LHFPL3: variants seen among roughly 807,000 people sequenced by gnomAD.
LHFPL3 encodes the protein LHFPL tetraspan subfamily member 3 protein.
LHFPL3 carries 5 observed loss-of-function variants against 19.3 expected under a neutral mutation model. The observed-to-expected ratio is 0.26, with a 90% confidence interval of 0.14 to 0.54. The LOEUF (loss-of-function observed/expected upper bound fraction) is 0.54, where lower values mean the gene tolerates loss of function less well. Ranked by LOEUF, LHFPL3 falls within the 20% of genes least tolerant of loss-of-function variation. The pLI, the probability that LHFPL3 is intolerant of heterozygous loss-of-function variation, is 0.94. For synonymous variants in LHFPL3, 133 were observed against 126.2 expected (o/e 1.05, Z -0.36); for missense variants, 249 against 307.4 (o/e 0.81, Z 1.42).
chr7:104,371,586 G>A (rs1790616660), intron 1 of LHFPL3, among the ~76,000 whole-genome samples: 2 of 152,080 alleles, frequency 1.3e-5, no homozygotes, highest in Non-Finnish European at 1.5e-5. Context: ...TGCTTAACTT[G>A]CAAATTCTGG....
intron 1 of LHFPL3, among the ~76,000 whole-genome samples, chr7:104,513,740 A>G (rs1793866266): frequency 1.3e-5 from 2 of 152,200 alleles, no homozygotes; most frequent in East Asian, 3.8e-4. Flanking sequence ...TTAAAAAAAT[A>G]CCAATATCTG....
Position 104,897,954 on chromosome 7 carries a change from C to G in LHFPL3, c.683-8233C>G, listed in dbSNP as rs1409344547. Among the ~76,000 whole-genome samples the G allele has an allele frequency of 1.2e-4, 18 of 150,486 alleles. No homozygotes were observed. In the Admixed American group the frequency reaches 1.2e-3, roughly 10 times the overall value. On this transcript the variant is annotated intron_variant, in intron 2 of 2. Coordinates refer to ENST00000424859, the MANE Select transcript of LHFPL3 (RefSeq NM_199000.3). ...AATAAGAATTAAACCAGAATGGGAT[C>G]CACATCACAGGCAATTTGCTAAGAG...
At chr7:104,478,426 T>G (rs1364522370) in intron 1 of LHFPL3, among the ~76,000 whole-genome samples, 2 of 152,020 alleles carry the variant, frequency 1.3e-5, no homozygotes, top group Non-Finnish European at 2.9e-5. Flanking sequence ...TTCTGTCCTT[T>G]CTCCTCTTCT....
chr7:104,369,286 C>G (rs571806269), intron 1 of LHFPL3, among the ~76,000 whole-genome samples: 3 of 152,264 alleles, frequency 2.0e-5, no homozygotes, highest in Admixed American at 6.5e-5. Context: ...CACAAATTTA[C>G]CTTTTCTGGA....
intron 2 of LHFPL3, among the ~76,000 whole-genome samples, chr7:104,770,227 A>G (rs959400899): frequency 1.3e-5 from 2 of 152,078 alleles, no homozygotes; most frequent in African/African-American, 4.8e-5. Flanking sequence ...TCTGAATGCC[A>G]TGGAGGGATG....
chr7:104,842,244 AAG>A, intron 2 of LHFPL3, among the ~76,000 whole-genome samples: 1 of 125,548 alleles, frequency 8.0e-6, no homozygotes, highest in Non-Finnish European at 1.6e-5. Flanking sequence ...AATACTCTCA[AAG>A]TTACTCAGGC....
intron 2 of LHFPL3, among the ~76,000 whole-genome samples, chr7:104,875,241 AGCCCCAT>A (rs60825475): frequency 0.28 from 42,936 of 151,776 alleles, 6,145 homozygotes; most frequent in South Asian, 0.35. Flanking sequence ...AGATAAGGTA[AGCCCCAT>A]GCATAATACT....
chr7:104,545,607 C>CCTCTT (rs1387460113), intron 1 of LHFPL3, among the ~76,000 whole-genome samples: 1 of 152,162 alleles, frequency 6.6e-6, no homozygotes, highest in East Asian at 1.9e-4. Flanking sequence ...CTGATTGGCT[C>CCTCTT]CAGTAGAGCA....
intron 1 of LHFPL3, among the ~76,000 whole-genome samples, chr7:104,428,214 A>G (rs1331592075): frequency 6.6e-6 from 1 of 152,210 alleles, no homozygotes; most frequent in African/African-American, 2.4e-5. Context: ...TACATATAAC[A>G]TCTGGTAATG....
Position 104,444,429 on chromosome 7 carries a change from C to A in LHFPL3, c.445+115205C>A, listed in dbSNP as rs561767751. Among the ~76,000 whole-genome samples the A allele has an allele frequency of 5.9e-5, 9 of 152,200 alleles. No individual in the cohort carries two copies. In the South Asian group the frequency reaches 1.9e-3, roughly 32 times the overall value. ...TGCCTTGAACATGTTTTAGAAGACA[C>A]CCCCCTGTATTTTTAGATAATTCTC... On this transcript the variant is annotated intron_variant, in intron 1 of 2. Coordinates refer to ENST00000424859, the MANE Select transcript of LHFPL3 (RefSeq NM_199000.3).
intron 1 of LHFPL3, among the ~76,000 whole-genome samples, chr7:104,711,719 A>G (rs754225696): frequency 3.3e-5 from 5 of 152,200 alleles, no homozygotes; most frequent in Admixed American, 6.5e-5. Flanking sequence ...ACAGGAAACC[A>G]TAAAACTAAT....
At chr7:104,649,874 G>A (rs1168978658) in intron 1 of LHFPL3, among the ~76,000 whole-genome samples, 1 of 152,214 alleles carries the variant, frequency 6.6e-6, no homozygotes, top group Non-Finnish European at 1.5e-5. Context: ...AGCATGGTCA[G>A]TTGTTTACAT....
chr7:104,463,998 C>T (rs564140142), intron 1 of LHFPL3, among the ~76,000 whole-genome samples: 30 of 152,312 alleles, frequency 2.0e-4, no homozygotes, highest in Non-Finnish European at 4.3e-4. Flanking sequence ...AGGCAAGTCC[C>T]TTCTGCCTAT....
At chr7:104,770,331 T>A (rs1794530256) in intron 2 of LHFPL3, among the ~76,000 whole-genome samples, 1 of 152,070 alleles carries the variant, frequency 6.6e-6, no homozygotes, top group Non-Finnish European at 1.5e-5. Context: ...GAGTTTGGAG[T>A]GCAGGGAGCC....
chr7:104,611,028 T>C (rs1337968373), intron 1 of LHFPL3, among the ~76,000 whole-genome samples: 2 of 152,174 alleles, frequency 1.3e-5, no homozygotes, highest in African/African-American at 2.4e-5. Flanking sequence ...AATTTTTAAA[T>C]GCAGTGAGAC....
intron 1 of LHFPL3, among the ~76,000 whole-genome samples, chr7:104,386,879 TG>T (rs1161807497): frequency 2.0e-5 from 3 of 148,826 alleles, no homozygotes; most frequent in Non-Finnish European, 4.5e-5. Flanking sequence ...TGGGTGGGAG[TG>T]GGGGTGGGGA....
intron 2 of LHFPL3, among the ~76,000 whole-genome samples, chr7:104,890,922 G>C (rs1792231783): frequency 6.6e-6 from 1 of 152,134 alleles, no homozygotes; most frequent in Admixed American, 6.5e-5. Flanking sequence ...CAGCGCCCCA[G>C]CTCCCCAGCC....
intron 1 of LHFPL3, among the ~76,000 whole-genome samples, chr7:104,477,141 C>T (rs1388591201): frequency 6.6e-6 from 1 of 152,104 alleles, no homozygotes; most frequent in Non-Finnish European, 1.5e-5. Context: ...AGGCTTGTGC[C>T]ACCATGCCCA....
At position 104,651,024 on chromosome 7, in the gene LHFPL3, C is replaced by G. The variant is rs555704031; in HGVS notation, c.446-85651C>G. 2.6e-5 allele frequency among the ~76,000 whole-genome samples: 4 copies of G among 152,222 alleles called. No homozygotes were observed. In the South Asian group the frequency reaches 8.3e-4, roughly 32 times the overall value. On this transcript the variant is annotated intron_variant, in intron 1 of 2. Transcript: ENST00000424859. ...CATCTTCTTATGACAGCAGGGTCAC[C>G]TCGGAGTACAGCAGCGGGGTAAGAG... is the stretch of plus-strand genomic sequence containing the variant.
Sources: gnomAD v4.1 joint callset for allele counts (sites outside exome capture counted in the v4.1 genomes callset) on GRCh38, gnomAD v4.1.1 for gene constraint, MANE v1.5 for transcripts, NCBI Gene and HGNC (gene_info 2026-07-23, HGNC 2026-07-21) for gene names.